Variants in PKNOX2 observed in about 807,000 individuals in gnomAD.
PKNOX2 encodes homeobox protein PKNOX2.
A neutral mutation model predicts 53.1 loss-of-function variants in PKNOX2; 14 were observed. The observed-to-expected ratio is 0.26, with a 90% CI of 0.17 to 0.41. PKNOX2 has a LOEUF of 0.41. Ranked by LOEUF, PKNOX2 falls within the 10% of genes least tolerant of loss-of-function variation. The pLI is 1.00. For synonymous variants in PKNOX2, 257 were observed against 242.8 expected (o/e 1.06, Z -0.54); for missense variants, 496 against 602.8 (o/e 0.82, Z 1.85).
intron 3 of PKNOX2, among the ~76,000 whole-genome samples, chr11:125,340,965 G>C (rs887258331): frequency 3.4e-5 from 5 of 148,848 alleles, no homozygotes; most frequent in Non-Finnish European, 3.0e-5. Context: ...TGGGAGAATC[G>C]CTTGAACCCG....
At chr11:125,331,326 A>C in intron 2 of PKNOX2, among the ~76,000 whole-genome samples, 1 of 151,464 alleles carries the variant, frequency 6.6e-6, no homozygotes, top group South Asian at 2.1e-4. Flanking sequence ...TGCCCTGGAC[A>C]CCTCCCCACC....
chr11:125,341,072 A>AT (rs1950660578), intron 3 of PKNOX2, among the ~76,000 whole-genome samples: 3 of 136,930 alleles, frequency 2.2e-5, no homozygotes, highest in Non-Finnish European at 4.5e-5. Context: ...AAAAAAAAAA[A>AT]GTAAGCCGGC....
chr11:125,282,791 A>G (rs1946650123), intron 2 of PKNOX2, among the ~76,000 whole-genome samples: 1 of 152,256 alleles, frequency 6.6e-6, no homozygotes, highest in Admixed American at 6.5e-5. Context: ...TTTGGTAGTC[A>G]CTATTCACAT....
At chr11:125,256,965 C>T (rs1199991127) in intron 2 of PKNOX2, among the ~76,000 whole-genome samples, 1 of 151,202 alleles carries the variant, frequency 6.6e-6, no homozygotes, top group Admixed American at 6.6e-5. Flanking sequence ...TTTACTGTTG[C>T]TCTCAACCAA....
At chr11:125,183,076 T>G (rs1201202922) in intron 1 of PKNOX2, among the ~76,000 whole-genome samples, 1 of 152,150 alleles carries the variant, frequency 6.6e-6, no homozygotes, top group African/African-American at 2.4e-5. Flanking sequence ...GAAGCTCCAC[T>G]GCTGATCAGC....
chr11:125,372,201 A>T (rs2136295929), intron 5 of PKNOX2, among the ~76,000 whole-genome samples: 1 of 152,204 alleles, frequency 6.6e-6, no homozygotes, highest in African/African-American at 2.4e-5. Flanking sequence ...GGGGAAGGGG[A>T]GCAGCTCCGA....
chr11:125,394,553 G>T (rs1303596100), intron 6 of PKNOX2, among the ~76,000 whole-genome samples: 1 of 152,208 alleles, frequency 6.6e-6, no homozygotes, highest in Non-Finnish European at 1.5e-5. Context: ...CACTTGAAAT[G>T]CCAATGAGGC....
chr11:125,415,852 A>T (rs1175691205), intron 10 of PKNOX2, among the ~76,000 whole-genome samples: 1 of 152,252 alleles, frequency 6.6e-6, no homozygotes, highest in African/African-American at 2.4e-5. Flanking sequence ...AGAAACAACC[A>T]TTCAAAAGAG....
chr11:125,215,159 G>T lies in PKNOX2; in HGVS notation c.-200-19886G>T, dbSNP rs554661110. Among the ~76,000 whole-genome samples, 8 of 152,232 alleles carry T rather than the reference G, an allele frequency of 5.3e-5. No individual in the cohort carries two copies. In the South Asian group the frequency reaches 8.3e-4, roughly 16 times the overall value. ...GGAGCAGTTGGGAGGCTCTCGGATT[G>T]TCCAAATATCAGCTTGCTGCAAGAA... On this transcript the variant is annotated intron_variant, in intron 1 of 12. Transcript: ENST00000298282.
intron 2 of PKNOX2, among the ~76,000 whole-genome samples, chr11:125,324,188 T>C (rs1949698130): frequency 6.6e-6 from 1 of 152,142 alleles, no homozygotes; most frequent in African/African-American, 2.4e-5. Flanking sequence ...CTGGACTAGA[T>C]AGGCAGGTGG....
chr11:125,397,352 TA>T (rs1473688339), intron 6 of PKNOX2, among the ~76,000 whole-genome samples: 2 of 152,260 alleles, frequency 1.3e-5, no homozygotes, highest in Non-Finnish European at 2.9e-5. Flanking sequence ...GAGGCACTTA[TA>T]AGAAATTCTG....
chr11:125,167,140 C>T (rs1252983499), intron 1 of PKNOX2, among the ~76,000 whole-genome samples: 2 of 150,412 alleles, frequency 1.3e-5, no homozygotes, highest in Admixed American at 1.3e-4. Context: ...GGGAAGGGGT[C>T]CCGACCAGGG....
chr11:125,379,515 C>G (rs187300958), intron 5 of PKNOX2, among the ~76,000 whole-genome samples: 121 of 152,298 alleles, frequency 7.9e-4, no homozygotes, highest in African/African-American at 2.8e-3. Flanking sequence ...GGCAATCTGT[C>G]AGCCCGATTT....
chr11:125,305,979 C>T (rs1018767504), intron 2 of PKNOX2, among the ~76,000 whole-genome samples: 1 of 152,148 alleles, frequency 6.6e-6, no homozygotes, highest in African/African-American at 2.4e-5. Flanking sequence ...AAAATACTGC[C>T]ATTCCCCAGA....
chr11:125,277,365 A>G (rs1946242449), intron 2 of PKNOX2, among the ~76,000 whole-genome samples: 1 of 152,226 alleles, frequency 6.6e-6, no homozygotes, highest in Admixed American at 6.5e-5. Flanking sequence ...CAGAAATAAT[A>G]ATGGAGAAAG....
intron 2 of PKNOX2, among the ~76,000 whole-genome samples, chr11:125,310,934 A>AT (rs1948763920): frequency 6.6e-6 from 1 of 151,736 alleles, no homozygotes; most frequent in African/African-American, 2.4e-5. Flanking sequence ...CTGCCCCGGG[A>AT]TATAGCTGCC....
chr11:125,351,442 G>T, intron 4 of PKNOX2, 50 bp downstream of exon 4: 1 of 1,221,208 alleles, frequency 8.2e-7, no homozygotes. Flanking sequence ...GGAGTGTGGT[G>T]GCCTTAGAGC....
intron 7 of PKNOX2, among the ~76,000 whole-genome samples, chr11:125,404,527 G>T (rs189941080): frequency 6.6e-6 from 1 of 152,128 alleles, no homozygotes; most frequent in African/African-American, 2.4e-5. Flanking sequence ...CTGCCAGAAC[G>T]GAGGGATGCT....
intron 2 of PKNOX2, among the ~76,000 whole-genome samples, chr11:125,268,074 G>C (rs1033332168): frequency 6.6e-6 from 1 of 152,192 alleles, no homozygotes; most frequent in Non-Finnish European, 1.5e-5. Flanking sequence ...TCTGGCCTGA[G>C]GTCACTGAGA....
Sources: gnomAD v4.1 joint callset for allele counts (sites outside exome capture counted in the v4.1 genomes callset) on GRCh38, gnomAD v4.1.1 for gene constraint, MANE v1.5 for transcripts, NCBI Gene and HGNC (gene_info 2026-07-23, HGNC 2026-07-21) for gene names.